The following NRXN1 variants were observed in gnomAD, a reference collection of about 807,000 sequenced individuals.
NRXN1 encodes the protein neurexin 1.
NRXN1 carries 39 observed loss-of-function variants against 150.9 expected under a neutral mutation model. That is an observed-to-expected ratio of 0.26 (90% CI 0.20 to 0.34). NRXN1 has a LOEUF of 0.34. NRXN1 is among the 10% of genes least tolerant of loss of function. NRXN1 has a pLI of 1.00. For missense variants in NRXN1, 1,815 were observed against 1,949.9 expected, an observed-to-expected ratio of 0.93 and a Z score of 1.30; for synonymous variants, 924 against 757.0, an observed-to-expected ratio of 1.22 and a Z score of -3.62.
intron 5 of NRXN1, among the ~76,000 whole-genome samples, chr2:50,682,606 G>A (rs1690570560): frequency 6.6e-6 from 1 of 152,136 alleles, no homozygotes; most frequent in South Asian, 2.1e-4. Context: ...AAGCAGAAAG[G>A]GTAAAAACAA....
At chr2:50,103,731 C>T (rs1701281315) in intron 18 of NRXN1, among the ~76,000 whole-genome samples, 1 of 151,982 alleles carries the variant, frequency 6.6e-6, no homozygotes, top group African/African-American at 2.4e-5. Flanking sequence ...ACTGGAGGCT[C>T]TTTGAGGTCA....
chr2:50,850,082 C>A (rs1028329488), intron 5 of NRXN1, among the ~76,000 whole-genome samples: 1 of 151,756 alleles, frequency 6.6e-6, no homozygotes, highest in African/African-American at 2.4e-5. Context: ...AATAGCCAGG[C>A]ATGATGGTAT....
chr2:50,141,586 A>C (rs1707283618), intron 18 of NRXN1, among the ~76,000 whole-genome samples: 1 of 152,106 alleles, frequency 6.6e-6, no homozygotes, highest in African/African-American at 2.4e-5. Context: ...CAGAATAAAC[A>C]AGGAGCTGAA....
At chr2:50,825,732 C>G (rs546566977) in intron 5 of NRXN1, among the ~76,000 whole-genome samples, 11 of 152,218 alleles carry the variant, frequency 7.2e-5, no homozygotes. Flanking sequence ...AGGATGGGGT[C>G]TACAGCCAGT....
At chr2:50,263,486 T>C (rs955473815) in intron 17 of NRXN1, among the ~76,000 whole-genome samples, 4 of 152,074 alleles carry the variant, frequency 2.6e-5, no homozygotes, top group African/African-American at 7.2e-5. Context: ...CAAACACATA[T>C]GAACAATTCT....
intron 5 of NRXN1, among the ~76,000 whole-genome samples, chr2:50,908,854 C>T (rs1684115564): frequency 6.6e-6 from 1 of 151,984 alleles, no homozygotes; most frequent in South Asian, 2.1e-4. Context: ...CAGGGACTCT[C>T]TTACCCTCTC....
chr2:50,621,503 T>C (rs1194829109), intron 6 of NRXN1, among the ~76,000 whole-genome samples: 1 of 152,140 alleles, frequency 6.6e-6, no homozygotes, highest in Admixed American at 6.5e-5. Context: ...TTTCCTGCTA[T>C]TATTGTTCAT....
chr2:50,450,864 G>T (rs748389494), intron 17 of NRXN1, among the ~76,000 whole-genome samples: 2 of 152,180 alleles, frequency 1.3e-5, no homozygotes, highest in African/African-American at 2.4e-5. Context: ...TTATAGGCAG[G>T]AGAGATAACC....
chr2:50,650,095 C>T (rs858954), intron 5 of NRXN1, among the ~76,000 whole-genome samples: 17,064 of 151,968 alleles, frequency 0.11, 1,060 homozygotes, highest in Middle Eastern at 0.19. Context: ...GTGCACTGTC[C>T]TCTGGGTTTG....
rs559018441 is a variant in NRXN1, at chr2:50,496,811, T to A, written c.2879+522A>T. 8.5e-5 allele frequency among the ~76,000 whole-genome samples: 13 copies of A among 152,330 alleles called. No individual in the cohort carries two copies. The East Asian group carries it at 2.3e-3, about 27-fold the overall frequency. On this transcript the variant is annotated intron_variant, in intron 14 of 22. Coordinates refer to ENST00000401669, the MANE Select transcript of NRXN1 (RefSeq NM_001330078.2). ...CACCAATATTTGCAGAATGAGTGAA[T>A]AAATGCTGAAATCAATTAAAATACA...
intron 12 of NRXN1, among the ~76,000 whole-genome samples, chr2:50,525,484 C>A (rs1359650014): frequency 6.6e-6 from 1 of 152,114 alleles, no homozygotes; most frequent in Non-Finnish European, 1.5e-5. Flanking sequence ...AGTGGTGAGC[C>A]ATGGATAATT....
chr2:50,051,502 C>T (rs1031922933), intron 21 of NRXN1, among the ~76,000 whole-genome samples: 1 of 151,970 alleles, frequency 6.6e-6, no homozygotes, highest in Admixed American at 6.6e-5. Flanking sequence ...TTTCATTTTT[C>T]CTGTATCAGA....
At chr2:50,032,624 C>G (rs77272994) in intron 21 of NRXN1, among the ~76,000 whole-genome samples, 5,484 of 151,976 alleles carry the variant, frequency 0.036, 135 homozygotes, top group African/African-American at 0.068. Flanking sequence ...AACCCTAACC[C>G]CCAATGTGAC....
At chr2:50,579,278 A>G (rs967727623) in intron 8 of NRXN1, among the ~76,000 whole-genome samples, 6 of 152,150 alleles carry the variant, frequency 3.9e-5, no homozygotes, top group African/African-American at 1.4e-4. Context: ...TACATTTTGT[A>G]CTTTTATTCT....
chr2:50,807,028 G>A (rs1410155956), intron 5 of NRXN1, among the ~76,000 whole-genome samples: 1 of 152,094 alleles, frequency 6.6e-6, no homozygotes. Context: ...TCTGGGGGTA[G>A]CATACACGCC....
Position 50,602,659 on chromosome 2 carries a change from A to G in NRXN1, c.1320+17363T>C, listed in dbSNP as rs547705190. Among the ~76,000 whole-genome samples the G allele has an allele frequency of 3.3e-5, 5 of 151,798 alleles. No individual in the cohort carries two copies. The South Asian group carries it at 1.0e-3, about 32-fold the overall frequency. On this transcript the variant is annotated intron_variant, in intron 8 of 22. Transcript: ENST00000401669. ...CCTTCTTCCCTTCCTTTCTTTTAAA[A>G]TTACTGATGGCTCAGATACACTTTC...
At chr2:50,482,627 A>G (rs1335863986) in intron 15 of NRXN1, among the ~76,000 whole-genome samples, 1 of 152,142 alleles carries the variant, frequency 6.6e-6, no homozygotes, top group Non-Finnish European at 1.5e-5. Context: ...TGCTTTTTTC[A>G]GAAGCTTTTG....
At chr2:50,624,854 C>G (rs1680726237) in intron 5 of NRXN1, 1 of 152,038 alleles carries the variant, frequency 6.6e-6, no homozygotes, top group South Asian at 2.1e-4. Context: ...CTAGACAGAT[C>G]AAACAGAAAG....
intron 8 of NRXN1, among the ~76,000 whole-genome samples, chr2:50,596,118 A>C (rs964188636): frequency 2.6e-5 from 4 of 152,184 alleles, no homozygotes; most frequent in African/African-American, 4.8e-5. Flanking sequence ...TTCTTCCAGC[A>C]ACAGTCCTTC....
Sources: allele counts gnomAD v4.1 joint callset (sites outside exome capture counted in the v4.1 genomes callset), GRCh38; gene constraint gnomAD v4.1.1; transcripts MANE v1.5; gene names NCBI Gene and HGNC (gene_info 2026-07-23, HGNC 2026-07-21).